SLC35F4: variants seen among roughly 807,000 people sequenced by gnomAD.
The protein encoded by SLC35F4 is solute carrier family 35 member F4.
In SLC35F4, 24 loss-of-function variants were observed where a neutral mutation model predicts 44.2. That is an observed-to-expected ratio of 0.54 (90% CI 0.39 to 0.76). The LOEUF is 0.76. SLC35F4 is among the 30% of genes least tolerant of loss of function. The pLI is 0.00. For missense variants in SLC35F4, 562 were observed against 586.1 expected (o/e 0.96, Z 0.42); for synonymous variants, 238 against 223.6 (o/e 1.06, Z -0.57).
chr14:57,569,747 A>C, intron 6 of SLC35F4, 41 bp downstream of exon 6: 1 of 1,511,110 alleles, frequency 6.6e-7, no homozygotes, highest in Admixed American at 2.3e-5. Context: ...CCAAAGAAAG[A>C]TTGATATAGG....
intron 1 of SLC35F4, among the ~76,000 whole-genome samples, chr14:57,969,928 CA>C (rs1228374967): frequency 6.6e-6 from 1 of 152,138 alleles, no homozygotes; most frequent in Non-Finnish European, 1.5e-5. Context: ...GGAGCCCCCA[CA>C]AAAGTCTCAC....
At chr14:57,723,271 C>T (rs1347500574) in intron 1 of SLC35F4, among the ~76,000 whole-genome samples, 1 of 152,168 alleles carries the variant, frequency 6.6e-6, no homozygotes, top group Non-Finnish European at 1.5e-5. Context: ...GGCAGAACCC[C>T]CACATTGGCT....
chr14:57,763,428 TAC>T (rs1239470854), intron 1 of SLC35F4, among the ~76,000 whole-genome samples: 1 of 152,158 alleles, frequency 6.6e-6, no homozygotes, highest in Non-Finnish European at 1.5e-5. Flanking sequence ...GGCATAATAA[TAC>T]AGTGTTTAAG....
intron 1 of SLC35F4, among the ~76,000 whole-genome samples, chr14:57,761,900 A>G (rs2077133697): frequency 6.6e-6 from 1 of 152,168 alleles, no homozygotes; most frequent in African/African-American, 2.4e-5. Context: ...CTTAAAAAAA[A>G]AGATGGAATT....
At chr14:57,934,736 G>A (rs925415434) in intron 1 of SLC35F4, among the ~76,000 whole-genome samples, 3 of 152,050 alleles carry the variant, frequency 2.0e-5, no homozygotes, top group African/African-American at 7.2e-5. Context: ...ACAACAAATA[G>A]CAGAGCTTTT....
rs139032386 is a variant in SLC35F4 at position 57,937,171 on chromosome 14, A to T, written n.282+44742T>A. On this transcript the variant is annotated intron_variant and non_coding_transcript_variant, in intron 1 of 1. Coordinates refer to the SLC35F4 transcript ENST00000556568. The stretch of plus-strand genomic sequence containing the variant: ...CAACCTCCGCTTCCCAGGTTCAAGC[A>T]ATTCTCCTGCCTCAGTCTCCCGAGT... Among the ~76,000 whole-genome samples, 78 of 151,700 alleles carry T rather than the reference A, an allele frequency of 5.1e-4. 1 individual carries two copies. The East Asian group carries it at 0.011, about 22-fold the overall frequency.
At chr14:57,752,255 T>C (rs544897980) in intron 1 of SLC35F4, among the ~76,000 whole-genome samples, 2 of 152,126 alleles carry the variant, frequency 1.3e-5, no homozygotes, top group Non-Finnish European at 2.9e-5. Flanking sequence ...TCATAACAAT[T>C]CCCCAACTTA....
chr14:57,854,813 A>T (rs1886929066), intron 1 of SLC35F4, among the ~76,000 whole-genome samples: 1 of 152,248 alleles, frequency 6.6e-6, no homozygotes, highest in African/African-American at 2.4e-5. Context: ...GAGGCAATCC[A>T]GGTAGAACCG....
intron 1 of SLC35F4, among the ~76,000 whole-genome samples, chr14:57,833,988 T>G (rs190860776): frequency 2.0e-5 from 3 of 152,362 alleles, no homozygotes; most frequent in African/African-American, 7.2e-5. Context: ...AATCTGAGGC[T>G]ATTTACAAAA....
intron 1 of SLC35F4, among the ~76,000 whole-genome samples, chr14:57,862,837 A>G (rs1245447492): frequency 2.0e-5 from 3 of 152,172 alleles, no homozygotes; most frequent in Non-Finnish European, 4.4e-5. Context: ...TAAATAATTT[A>G]TGTACTTGTT....
intron 3 of SLC35F4, among the ~76,000 whole-genome samples, chr14:57,586,620 A>T (rs997881037): frequency 6.7e-6 from 1 of 148,592 alleles, no homozygotes; most frequent in African/African-American, 2.5e-5. Context: ...CAGGAGGCTA[A>T]GGCAGGAGAA....
intron 1 of SLC35F4, among the ~76,000 whole-genome samples, chr14:57,634,206 G>A (rs1166278909): frequency 6.6e-6 from 1 of 152,128 alleles, no homozygotes; most frequent in African/African-American, 2.4e-5. Flanking sequence ...CGTCTAAAGA[G>A]TCAGGTGAAA....
At chr14:57,608,393 G>A (rs1442455521) in intron 1 of SLC35F4, among the ~76,000 whole-genome samples, 1 of 152,106 alleles carries the variant, frequency 6.6e-6, no homozygotes, top group African/African-American at 2.4e-5. Flanking sequence ...ACACTCATGG[G>A]GAGAACACCA....
chr14:57,627,847 T>G (rs917071356), intron 1 of SLC35F4, among the ~76,000 whole-genome samples: 1 of 152,094 alleles, frequency 6.6e-6, no homozygotes, highest in African/African-American at 2.4e-5. Context: ...TCTTTAAGAT[T>G]GAATGTTAGT....
chr14:57,655,145 G>A (rs556806550), intron 1 of SLC35F4, among the ~76,000 whole-genome samples: 1 of 152,002 alleles, frequency 6.6e-6, no homozygotes, highest in Non-Finnish European at 1.5e-5. Context: ...TTAGAACTGA[G>A]AGCCATCTCA....
In SLC35F4 at chr14:57,661,144, A is replaced by G. The variant is rs576563587; in HGVS notation, c.104-67020T>C. Among the ~76,000 whole-genome samples the G allele has an allele frequency of 1.8e-3, 274 of 152,258 alleles. 8 individuals carry two copies. The highest frequency in any genetic ancestry group is 2.0e-3 in the Non-Finnish European group (134 of 68,024). On this transcript the variant is annotated intron_variant, in intron 1 of 7. Coordinates refer to ENST00000556826, the MANE Select transcript of SLC35F4 (RefSeq NM_001306087.2). Reference sequence around the variant, plus strand: ...AACCCTTTCAGGCCTTTCTTTTTACAGACTCAAATTTACAGAGTCAAATGA... The same window carrying G: ...AACCCTTTCAGGCCTTTCTTTTTACGGACTCAAATTTACAGAGTCAAATGA...
chr14:57,865,584 C>T (rs1487427737), intron 1 of SLC35F4, 139 bp downstream of exon 1: 4 of 644,530 alleles, frequency 6.2e-6, no homozygotes, highest in South Asian at 4.3e-5. Context: ...GGGTCCCCGC[C>T]GCCAGGAAGG....
At chr14:57,842,166 G>A (rs1378082097) in intron 1 of SLC35F4, among the ~76,000 whole-genome samples, 3 of 152,182 alleles carry the variant, frequency 2.0e-5, no homozygotes, top group Non-Finnish European at 4.4e-5. Context: ...TAACATGGCT[G>A]ATGGTTCATC....
chr14:57,656,690 C>G (rs924203456), intron 1 of SLC35F4, among the ~76,000 whole-genome samples: 3 of 152,210 alleles, frequency 2.0e-5, no homozygotes, highest in South Asian at 2.1e-4. Context: ...CAACACCTAA[C>G]AGCAACTGGC....
Sources: allele counts gnomAD v4.1 joint callset (sites outside exome capture counted in the v4.1 genomes callset), GRCh38; gene constraint gnomAD v4.1.1; transcripts MANE v1.5; gene names NCBI Gene and HGNC (gene_info 2026-07-23, HGNC 2026-07-21).